The following SARNP variants were observed in gnomAD, a reference collection of about 807,000 sequenced individuals.
SARNP encodes SAP domain-containing ribonucleoprotein.
Under a neutral mutation model 38.1 loss-of-function variants are expected in SARNP, and 5 were observed. The ratio of observed to expected loss-of-function variants is 0.13; its 90% confidence interval spans 0.07 to 0.28. The LOEUF (loss-of-function observed/expected upper bound fraction) is 0.28, where lower values mean the gene tolerates loss of function less well. Among genes scored for constraint, SARNP ranks in the 10% least tolerant of loss-of-function variants. The probability of loss-of-function intolerance (pLI) is 1.00; values close to 1 mark genes in which losing one functional copy is unlikely to be tolerated. For synonymous variants in SARNP, 84 were observed against 80.6 expected (o/e 1.04, Z -0.23); for missense variants, 180 against 243.9 (o/e 0.74, Z 1.75).
rs1278899996 is a variant in SARNP, at chr12:55,817,677, G to A, written c.25C>T (p.His9Tyr). The A allele has an allele frequency of 2.5e-6, 4 of 1,612,108 alleles. No homozygotes were observed. The highest frequency in any genetic ancestry group is 3.4e-5 in the Admixed American group (2 of 59,688). Residue 9 changes from histidine to tyrosine, a missense_variant, in exon 1 of 11, where the codon CAT (histidine) becomes TAT (tyrosine). His to Tyr is a moderately conservative substitution (Grantham distance 83). Coordinates refer to ENST00000336133, the MANE Select transcript of SARNP (RefSeq NM_033082.4). MATETVEL[H>Y]KLKLAELKQE... ...CCGATTCACGGTACCTTTAGCTTATGGAGCTCCACCGTCTCGGTCGCCATC... is the reference window on the plus strand; with the variant it reads ...CCGATTCACGGTACCTTTAGCTTATAGAGCTCCACCGTCTCGGTCGCCATC...
At chr12:55,807,926 A>G (rs1208145469) in intron 1 of SARNP, among the ~76,000 whole-genome samples, 2 of 152,032 alleles carry the variant, frequency 1.3e-5, no homozygotes, top group African/African-American at 4.8e-5. Context: ...TACACTTTAA[A>G]TTTTTTGTTT....
chr12:55,816,342 G>A (rs1161132582), intron 1 of SARNP, among the ~76,000 whole-genome samples: 3 of 152,182 alleles, frequency 2.0e-5, no homozygotes, highest in African/African-American at 4.8e-5. Flanking sequence ...TATAAACAAA[G>A]TGGAGATGAT....
intron 9 of SARNP, among the ~76,000 whole-genome samples, chr12:55,783,236 G>A (rs1374392498): frequency 6.8e-6 from 1 of 146,652 alleles, no homozygotes; most frequent in Non-Finnish European, 1.5e-5. Flanking sequence ...TCAAGCACAA[G>A]ACAGAAAACC....
intron 1 of SARNP, among the ~76,000 whole-genome samples, chr12:55,806,949 A>G (rs1396354332): frequency 1.3e-5 from 2 of 152,224 alleles, no homozygotes; most frequent in African/African-American, 4.8e-5. Flanking sequence ...TCACAAATCA[A>G]TGCATTTTTT....
At chr12:55,792,708 A>C (rs919240471) in intron 7 of SARNP, 122 of 151,836 alleles carry the variant, frequency 8.0e-4, no homozygotes, top group African/African-American at 2.9e-3. Context: ...ATTCTGAGAC[A>C]GGATCTTGCT....
At chr12:55,770,897 C>T (rs1308091981) in intron 9 of SARNP, among the ~76,000 whole-genome samples, 1 of 151,764 alleles carries the variant, frequency 6.6e-6, no homozygotes, top group African/African-American at 2.4e-5. Context: ...TAATTAGCAT[C>T]CCATGGGTTG....
chr12:55,801,641 CAG>C (rs1213552116), intron 2 of SARNP, among the ~76,000 whole-genome samples: 1 of 152,060 alleles, frequency 6.6e-6, no homozygotes, highest in Admixed American at 6.6e-5. Flanking sequence ...TTTGTTGAGA[CAG>C]AGTCTTACTC....
chr12:55,771,217 C>T (rs1443574551), intron 9 of SARNP, among the ~76,000 whole-genome samples: 3 of 152,240 alleles, frequency 2.0e-5, no homozygotes, highest in African/African-American at 4.8e-5. Context: ...CCCGGCCTCC[C>T]AAAGTGCTGG....
intron 9 of SARNP, among the ~76,000 whole-genome samples, chr12:55,764,688 A>C (rs953683251): frequency 1.3e-5 from 2 of 149,640 alleles, no homozygotes; most frequent in African/African-American, 4.9e-5. Flanking sequence ...AAATACAAAA[A>C]TTAGCTGGGT....
chr12:55,765,465 C>T (rs561186564), intron 9 of SARNP, among the ~76,000 whole-genome samples: 91 of 152,194 alleles, frequency 6.0e-4, no homozygotes, highest in Non-Finnish European at 1.1e-3. Context: ...CAACCTTAGC[C>T]TCCTCAGTAG....
At position 55,796,147 on chromosome 12, in the gene SARNP, A is replaced by G. The variant is rs571682085; in HGVS notation, c.252-71T>C. The stretch of plus-strand genomic sequence containing the variant: ...AACCACAACCTCAGAAATGTGTAAG[A>G]ATTCACCTGAGTCACCATTCTCTGC... On this transcript the variant is annotated intron_variant, in intron 4 of 10. Transcript: ENST00000336133. The G allele has an allele frequency of 4.6e-6, 5 of 1,097,880 alleles. No homozygotes were observed. The South Asian group carries it at 6.4e-5, about 14-fold the overall frequency. The allele number at this position is 1,097,880 out of a possible 1,614,324, so 68.0% of individuals were successfully genotyped here. A position where few individuals can be genotyped will look rare whatever the true frequency, so the allele number is the denominator to read the frequency against.
chr12:55,800,307 G>A (rs1879940488), intron 4 of SARNP, among the ~76,000 whole-genome samples: 1 of 152,082 alleles, frequency 6.6e-6, no homozygotes, highest in South Asian at 2.1e-4. Context: ...AACAACAAAG[G>A]CTAGGAGAAT....
At chr12:55,758,905 CTTTTTTT>C (rs1161845803) in intron 10 of SARNP, among the ~76,000 whole-genome samples, 2 of 136,650 alleles carry the variant, frequency 1.5e-5, no homozygotes, top group Non-Finnish European at 3.2e-5. Flanking sequence ...GCCTAATATA[CTTTTTTT>C]TTTTTTTTTT....
At chr12:55,782,425 A>T (rs1368541004) in intron 9 of SARNP, among the ~76,000 whole-genome samples, 2 of 152,176 alleles carry the variant, frequency 1.3e-5, no homozygotes, top group East Asian at 1.9e-4. Context: ...GAGGGTGCCA[A>T]TGTTTGAAAA....
intron 1 of SARNP, among the ~76,000 whole-genome samples, chr12:55,817,128 G>C (rs1236778034): frequency 6.6e-6 from 1 of 152,100 alleles, no homozygotes; most frequent in African/African-American, 2.4e-5. Context: ...CTTCTGAGAG[G>C]CCTCTCCCTG....
At chr12:55,774,877 C>T (rs199916947) in intron 9 of SARNP, among the ~76,000 whole-genome samples, 2 of 143,516 alleles carry the variant, frequency 1.4e-5, no homozygotes, top group African/African-American at 5.3e-5. Flanking sequence ...AAACACATTT[C>T]TATTTGTTTT....
chr12:55,799,267 T>C (rs1248324839), intron 4 of SARNP, among the ~76,000 whole-genome samples: 24 of 152,202 alleles, frequency 1.6e-4, no homozygotes, highest in Admixed American at 1.6e-3. Context: ...TTAAATGCAC[T>C]AACACAACTA....
At chr12:55,769,172 C>A (rs570314989) in intron 9 of SARNP, among the ~76,000 whole-genome samples, 1 of 152,240 alleles carries the variant, frequency 6.6e-6, no homozygotes, top group South Asian at 2.1e-4. Context: ...TATGTAGATC[C>A]AATCCCAGGT....
intron 7 of SARNP, among the ~76,000 whole-genome samples, chr12:55,791,258 G>A (rs367659882): frequency 9.1e-4 from 138 of 152,260 alleles, no homozygotes; most frequent in African/African-American, 3.2e-3. Flanking sequence ...GATGATGGCT[G>A]CACAACTCTG....
Sources: allele counts gnomAD v4.1 joint callset (sites outside exome capture counted in the v4.1 genomes callset), GRCh38; gene constraint gnomAD v4.1.1; transcripts MANE v1.5; gene names NCBI Gene and HGNC (gene_info 2026-07-23, HGNC 2026-07-21).